The following RAP1GAP2 variants were observed in gnomAD, a reference collection of about 807,000 sequenced individuals.
RAP1GAP2 encodes rap1 GTPase-activating protein 2.
In RAP1GAP2, 27 loss-of-function variants were observed where a neutral mutation model predicts 95.0. The ratio of observed to expected loss-of-function variants is 0.28; its 90% confidence interval spans 0.21 to 0.39. RAP1GAP2 has a LOEUF of 0.39. RAP1GAP2 is among the 10% of genes least tolerant of loss of function. The probability of loss-of-function intolerance (pLI) is 1.00; values close to 1 mark genes in which losing one functional copy is unlikely to be tolerated. For missense variants in RAP1GAP2, 771 were observed against 970.0 expected (o/e 0.79, Z 2.72); for synonymous variants, 373 against 380.9 (o/e 0.98, Z 0.24).
At chr17:2,801,547 G>A (rs1567660266) in intron 2 of RAP1GAP2, among the ~76,000 whole-genome samples, 1 of 151,550 alleles carries the variant, frequency 6.6e-6, no homozygotes, top group Non-Finnish European at 1.5e-5. Flanking sequence ...TCCTGGCAGT[G>A]ACTTTCTGAC....
intron 23 of RAP1GAP2, 44 bp downstream of exon 23, chr17:3,031,042 G>A (rs776034862): frequency 7.9e-6 from 12 of 1,523,354 alleles, no homozygotes; most frequent in Non-Finnish European, 9.9e-6. Context: ...TTTCTGCAGA[G>A]GCCCAGCCTT....
At chr17:2,807,176 C>T (rs181124990) in intron 2 of RAP1GAP2, among the ~76,000 whole-genome samples, 61 of 152,372 alleles carry the variant, frequency 4.0e-4, no homozygotes, top group African/African-American at 1.3e-3. Flanking sequence ...GGATTACAGG[C>T]TTGGGCCACC....
At chr17:2,957,840 A>G (rs1172593323) in intron 4 of RAP1GAP2, 46 bp downstream of exon 4, 1 of 1,545,734 alleles carries the variant, frequency 6.5e-7, no homozygotes, top group Admixed American at 1.9e-5. Flanking sequence ...CCAGCCCCAG[A>G]TGTGGGTGGC....
chr17:2,799,420 C>T (rs942202426), intron 1 of RAP1GAP2, among the ~76,000 whole-genome samples: 3 of 152,140 alleles, frequency 2.0e-5, no homozygotes, highest in Non-Finnish European at 2.9e-5. Context: ...GACCCCGTCC[C>T]CTAGCTCCAG....
chr17:2,800,178 A>G, intron 1 of RAP1GAP2: 1 of 985,318 alleles, frequency 1.0e-6, no homozygotes, highest in Non-Finnish European at 1.2e-6. Context: ...TAATAAAGGG[A>G]GAGGCTGCAT....
intron 2 of RAP1GAP2, among the ~76,000 whole-genome samples, chr17:2,805,496 CAGG>C (rs1567663997): frequency 2.1e-4 from 32 of 152,138 alleles, no homozygotes. Context: ...GCTGGGATTA[CAGG>C]TGTGCACCAC....
At chr17:2,911,079 C>A (rs865945400) in intron 3 of RAP1GAP2, among the ~76,000 whole-genome samples, 1 of 152,146 alleles carries the variant, frequency 6.6e-6, no homozygotes, top group African/African-American at 2.4e-5. Context: ...CTCACGCTTG[C>A]GGGCCCAGGG....
chr17:2,759,976 G>A (rs1329633816), intron 1 of RAP1GAP2, among the ~76,000 whole-genome samples: 2 of 152,086 alleles, frequency 1.3e-5, no homozygotes, highest in Non-Finnish European at 2.9e-5. Flanking sequence ...AAGTTGTACC[G>A]TTTTATATTA....
At chr17:2,990,545 T>G (rs2045716026) in intron 11 of RAP1GAP2, among the ~76,000 whole-genome samples, 1 of 152,220 alleles carries the variant, frequency 6.6e-6, no homozygotes. Context: ...GGGAGTGAAG[T>G]TGCCGGATCA....
intron 12 of RAP1GAP2, among the ~76,000 whole-genome samples, chr17:2,993,320 C>T (rs1049772505): frequency 8.7e-5 from 13 of 149,190 alleles, no homozygotes; most frequent in Non-Finnish European, 1.8e-4. Flanking sequence ...ACGCCTATAA[C>T]CCCAGCACTT....
chr17:2,818,331 TTATTTATTTA>T (rs1201682213), intron 2 of RAP1GAP2, among the ~76,000 whole-genome samples: 51 of 121,570 alleles, frequency 4.2e-4, no homozygotes, highest in African/African-American at 2.1e-3. Context: ...ATTTATTTAT[TTATTTATTTA>T]TTTTTGAGAC....
intron 2 of RAP1GAP2, among the ~76,000 whole-genome samples, chr17:2,821,372 CCTTT>C (rs2070298541): frequency 1.4e-5 from 2 of 143,310 alleles, no homozygotes; most frequent in African/African-American, 5.3e-5. Flanking sequence ...TTTCTTTACA[CCTTT>C]TTTTTTTTTT....
chr17:2,917,880 T>A (rs1218684289), intron 3 of RAP1GAP2, among the ~76,000 whole-genome samples: 1 of 150,726 alleles, frequency 6.6e-6, no homozygotes. Flanking sequence ...CACACCCAGC[T>A]AATTTATGTA....
At chr17:2,896,253 C>A (rs9889673) in intron 2 of RAP1GAP2, among the ~76,000 whole-genome samples, 110,826 of 152,048 alleles carry the variant, frequency 0.73, 40,504 homozygotes, top group Admixed American at 0.79. Context: ...GGATCATTTT[C>A]TCAGATGCTT....
intron 1 of RAP1GAP2, among the ~76,000 whole-genome samples, chr17:2,785,897 G>A (rs1020251281): frequency 1.0e-5 from 1 of 98,388 alleles, no homozygotes; most frequent in African/African-American, 4.1e-5. Flanking sequence ...TAAAAAGTAT[G>A]ACTTTTTTTT....
intron 3 of RAP1GAP2, among the ~76,000 whole-genome samples, chr17:2,905,899 G>T (rs2042182127): frequency 6.6e-6 from 1 of 152,166 alleles, no homozygotes; most frequent in East Asian, 1.9e-4. Context: ...AGTCCAGGCT[G>T]CTAGGCCCAG....
At chr17:2,793,153 ATTT>A (rs200252910), upstream of RAP1GAP2, among the ~76,000 whole-genome samples, 1 of 138,984 alleles carries the variant, frequency 7.2e-6, no homozygotes. Context: ...TTGCAACAGG[ATTT>A]TTTTTTTTTT....
chr17:3,013,423 C>A (rs776421332), intron 17 of RAP1GAP2, among the ~76,000 whole-genome samples: 3 of 152,078 alleles, frequency 2.0e-5, no homozygotes, highest in Non-Finnish European at 2.9e-5. Context: ...ACTCCTGGGT[C>A]GGAGTCATGG....
chr17:2,985,918 C>T (rs2045544045), intron 11 of RAP1GAP2, among the ~76,000 whole-genome samples: 2 of 152,254 alleles, frequency 1.3e-5, no homozygotes, highest in South Asian at 4.2e-4. Flanking sequence ...TTATTAACAT[C>T]CCAAGTAGAG....
Sources: gnomAD v4.1 joint callset for allele counts (sites outside exome capture counted in the v4.1 genomes callset) on GRCh38, gnomAD v4.1.1 for gene constraint, MANE v1.5 for transcripts, NCBI Gene and HGNC (gene_info 2026-07-23, HGNC 2026-07-21) for gene names.